ATXN2L: variants seen among roughly 807,000 people sequenced by gnomAD.
ATXN2L encodes ataxin 2 like, also known as ataxin-2-like protein.
Under a neutral mutation model 120.7 loss-of-function variants are expected in ATXN2L, and 24 were observed. The ratio of observed to expected loss-of-function variants is 0.20; its 90% CI spans 0.14 to 0.28. The LOEUF (loss-of-function observed/expected upper bound fraction) is 0.28. Among genes scored for constraint, ATXN2L ranks in the 10% least tolerant of loss-of-function variants. The pLI is 1.00. For synonymous variants in ATXN2L, 653 were observed against 568.1 expected (o/e 1.15, Z -2.13); for missense variants, 1,312 against 1,432.3 (o/e 0.92, Z 1.36).
rs774696375 is a variant in ATXN2L, at chr16:28,836,515, C to G, written c.*250C>G. On this transcript the variant is annotated 3_prime_UTR_variant, in exon 22 of 22. Transcript: ENST00000336783. ...GGTCAGTGCAGCAGACAGGGCCAGA[C>G]TGGGGTGTGGGGGGCTGAGCTGGGC... is the stretch of plus-strand genomic sequence containing the variant. 1.9e-6 allele frequency: 3 copies of G among 1,600,202 alleles called. No individual in the cohort carries two copies. Among genetic ancestry groups the G allele is most frequent in the African/African-American group, 2.7e-5 (2 of 74,640 alleles).
At chr16:28,829,550 G>C (rs752870497) in intron 7 of ATXN2L, 58 bp downstream of exon 7, 61 of 1,300,728 alleles carry the variant, frequency 4.7e-5, no homozygotes, top group Non-Finnish European at 6.4e-5. Flanking sequence ...ACTAAGTGAA[G>C]ACAGGTTTCC....
Position 28,829,428 on chromosome 16 carries a change from T to TTTG in ATXN2L, c.770_771insTGT (p.Phe257_Lys258insVal). The TTTG allele has an allele frequency of 6.2e-7, 1 of 1,613,492 alleles. No individual in the cohort carries two copies. Among genetic ancestry groups the TTTG allele is most frequent in the Non-Finnish European group, 8.5e-7 (1 of 1,179,398 alleles). ...CAATGGATGGGACCCCAATGAAATG[T>TTTG]TCAAGTTCAATGAGGAGAACTACGG... On this transcript the variant is annotated inframe_insertion, in exon 7 of 22. Coordinates refer to ENST00000336783, the MANE Select transcript of ATXN2L (RefSeq NM_007245.4).
At position 28,836,259 on chromosome 16, in the gene ATXN2L, G is replaced by T. The variant is rs1960679055; in HGVS notation, c.3222G>T (p.Gly1074=). 1 of 1,611,746 alleles carries T rather than the reference G, an allele frequency of 6.2e-7. No homozygotes were observed. The highest frequency in any genetic ancestry group is 1.3e-5 in the African/African-American group (1 of 74,860). ...QVGQDARVLG[G]E ...GGCAGGATGCACGGGTTCTGGGTGGGGAGTGAGGGGTCTTGGAGGCAGGGC... is the reference window on the plus strand; with the variant it reads ...GGCAGGATGCACGGGTTCTGGGTGGTGAGTGAGGGGTCTTGGAGGCAGGGC... The change falls in exon 22 of 22, where the codon GGG becomes GGT. Residue 1074 remains glycine, a synonymous_variant. Transcript: ENST00000336783.
rs140005664 is a variant in ATXN2L at position 28,833,496 on chromosome 16, T to C, written c.2013T>C (p.Pro671=). Residue 671 remains proline, a synonymous_variant, in exon 15 of 22, where the codon CCT becomes CCC. Transcript: ENST00000336783. The stretch of plus-strand genomic sequence containing the variant: ...CTAAGGAGTTCAATCCTACAAAGCC[T>C]CTGCTGTCTGTGGTGAGCTGGGACA... ...PNAKEFNPTK[P]LLSVNKSTST... is the part of the protein sequence containing the mutation. The C allele has an allele frequency of 6.2e-7, 1 of 1,614,088 alleles. No homozygotes were observed. The highest frequency in any genetic ancestry group is 8.5e-7 in the Non-Finnish European group (1 of 1,180,050).
At chr16:28,828,001 C>G (rs920628239) in intron 6 of ATXN2L, among the ~76,000 whole-genome samples, 10 of 152,182 alleles carry the variant, frequency 6.6e-5, no homozygotes, top group Admixed American at 5.9e-4. Flanking sequence ...TTTCGAACTT[C>G]TCATGGTTGT....
At chr16:28,823,634 C>G in intron 1 of ATXN2L, 76 bp downstream of exon 1, 1 of 1,236,006 alleles carries the variant, frequency 8.1e-7, no homozygotes, top group Non-Finnish European at 1.0e-6. Context: ...GGGCGGACCC[C>G]GACCCGGCAC....
intron 6 of ATXN2L, among the ~76,000 whole-genome samples, chr16:28,827,899 C>T (rs1156428101): frequency 6.6e-6 from 1 of 152,088 alleles, no homozygotes; most frequent in Non-Finnish European, 1.5e-5. Context: ...GGCATCATAG[C>T]GAGACTATCT....
Position 28,823,218 on chromosome 16 carries a change from C to T in ATXN2L, c.-42C>T, listed in dbSNP as rs75139976. 0.013 allele frequency: 16,265 copies of T among 1,274,266 alleles called. 175 individuals carry two copies. The highest frequency in any genetic ancestry group is 0.033 in the South Asian group (1,637 of 49,224). 78.9% of individuals were successfully genotyped at this position (1,274,266 alleles called of 1,614,324 possible). A position where few individuals can be genotyped will look rare whatever the true frequency, so the allele number is the denominator to read the frequency against. Reference sequence around the variant, plus strand: ...CGGGGCCCCAGCCCCGGCCCCCTCTCTCCCTCCCTTCTCTCTAATTCCCCT... The same window carrying T: ...CGGGGCCCCAGCCCCGGCCCCCTCTTTCCCTCCCTTCTCTCTAATTCCCCT... On this transcript the variant is annotated 5_prime_UTR_variant, in exon 1 of 22. Coordinates refer to ENST00000336783, the MANE Select transcript of ATXN2L (RefSeq NM_007245.4).
chr16:28,832,079 CT>C, intron 10 of ATXN2L, 125 bp from the exon 11 acceptor site: 1 of 1,012,810 alleles, frequency 9.9e-7, no homozygotes, highest in Non-Finnish European at 1.4e-6. Context: ...CCTTGAGCTT[CT>C]AGACATTTAA....
chr16:28,832,039 A>G (rs1596938842), intron 10 of ATXN2L, 166 bp from the exon 11 acceptor site: 2 of 669,632 alleles, frequency 3.0e-6, no homozygotes, highest in Non-Finnish European at 5.0e-6. Context: ...GATGATGCCC[A>G]TGAGGCCATT....
At chr16:28,827,576 T>C (rs1295148248) in intron 6 of ATXN2L, among the ~76,000 whole-genome samples, 1 of 151,294 alleles carries the variant, frequency 6.6e-6, no homozygotes, top group African/African-American at 2.4e-5. Context: ...TCTGAGGCAT[T>C]TAAAATCTCA....
In ATXN2L at chr16:28,836,819, G is replaced by A. The variant is rs775804622; in HGVS notation, c.*554G>A. On this transcript the variant is annotated 3_prime_UTR_variant, in exon 22 of 22. Coordinates refer to ENST00000336783, the MANE Select transcript of ATXN2L (RefSeq NM_007245.4). Reference sequence around the variant, plus strand: ...GACCTGAGACCTCCATGAGTGGAGGGAAGAGTGATCTATGTCTCTTCCCCC... The same window carrying A: ...GACCTGAGACCTCCATGAGTGGAGGAAAGAGTGATCTATGTCTCTTCCCCC... 1 of 1,611,358 alleles carries A rather than the reference G, an allele frequency of 6.2e-7. No individual in the cohort carries two copies. Among genetic ancestry groups the A allele is most frequent in the Non-Finnish European group, 8.5e-7 (1 of 1,177,848 alleles).
chr16:28,823,037 C>G lies in ATXN2L; in HGVS notation c.-223C>G. 3.4e-6 allele frequency: 1 copy of G among 296,776 alleles called. No homozygotes were observed. The highest frequency in any genetic ancestry group is 6.2e-6 in the Non-Finnish European group (1 of 160,990). The allele number at this position is 296,776 out of a possible 1,614,324, so 18.4% of individuals were successfully genotyped here. ...CGCGCCAGCCCGGCTCGCGCCCTCT[C>G]GCTTTCCTCCAGCCGCGAGACCCCC... On this transcript the variant is annotated 5_prime_UTR_variant, in exon 1 of 22. Transcript: ENST00000336783.
chr16:28,829,732 C>A (rs985763783), intron 7 of ATXN2L, 126 bp from the exon 8 acceptor site: 1 of 1,038,824 alleles, frequency 9.6e-7, no homozygotes, highest in Non-Finnish European at 1.5e-6. Context: ...GCCCGTTACC[C>A]AGATGTTGAA....
rs2050339996 is a variant in ATXN2L at position 28,823,538 on chromosome 16, A to G, written c.279A>G (p.Ala93=). ...PPQQHQERPG[A]AAIGSARGQS... is the part of the protein sequence containing the mutation. ...AGCAACACCAGGAGAGGCCGGGGGCAGCCGCCATCGGCAGCGCCAGGTGAG... is the reference window on the plus strand; with the variant it reads ...AGCAACACCAGGAGAGGCCGGGGGCGGCCGCCATCGGCAGCGCCAGGTGAG... Residue 93 remains alanine (A), a synonymous_variant, in exon 1 of 22, where the codon GCA becomes GCG. Transcript: ENST00000336783. 2.9e-6 allele frequency: 4 copies of G among 1,370,048 alleles called. No homozygotes were observed. Among genetic ancestry groups the G allele is most frequent in the East Asian group, 3.1e-5 (1 of 32,444 alleles). 84.9% of individuals were successfully genotyped at this position (1,370,048 alleles called of 1,614,324 possible).
intron 1 of ATXN2L, chr16:28,824,441 G>T (rs2050973745): frequency 3.1e-6 from 4 of 1,285,822 alleles, no homozygotes; most frequent in Non-Finnish European, 4.1e-6. Flanking sequence ...TTGCGGCTGC[G>T]CTGTCCCCCA....
chr16:28,826,443 G>A, intron 5 of ATXN2L, 53 bp downstream of exon 5: 2 of 1,576,830 alleles, frequency 1.3e-6, no homozygotes, highest in South Asian at 1.1e-5. Context: ...AGAGGACAGA[G>A]GGTAGTTTGT....
In ATXN2L at chr16:28,835,305, A is replaced by G; in HGVS notation, c.2591A>G (p.His864Arg). The change falls in exon 20 of 22, where the codon CAT becomes CGT. Residue 864 changes from histidine (H) to arginine (R), a missense_variant. Transcript: ENST00000336783. ...ACTGTTCACCAGTCCTACCCACACC[A>G]TGCCACACAGCTCCATGCCCACCAG... ...YATVHQSYPH[H>R]ATQLHAHQPQ... 1 of 1,613,766 alleles carries G rather than the reference A, an allele frequency of 6.2e-7. No individual in the cohort carries two copies. Among genetic ancestry groups the G allele is most frequent in the African/African-American group, 1.3e-5 (1 of 74,968 alleles).
intron 1 of ATXN2L, chr16:28,824,283 C>T: frequency 8.6e-7 from 1 of 1,163,452 alleles, no homozygotes; most frequent in African/African-American, 1.6e-5. Flanking sequence ...TCAGTTTTTC[C>T]TGTGCGAGTG....
Sources: allele counts gnomAD v4.1 joint callset (sites outside exome capture counted in the v4.1 genomes callset), GRCh38; gene constraint gnomAD v4.1.1; transcripts MANE v1.5; gene names NCBI Gene and HGNC (gene_info 2026-07-23, HGNC 2026-07-21).